ZNF892: variants seen among roughly 807,000 people sequenced by gnomAD.
The protein encoded by ZNF892 is zinc finger protein 892, also known as zinc finger protein 570-like.
the ZNF892 span, among the ~76,000 whole-genome samples, chr2:95,244,243 C>G: frequency 6.7e-6 from 1 of 149,356 alleles, no homozygotes; most frequent in East Asian, 2.0e-4. Flanking sequence ...AAACCAGAGA[C>G]CTTTGTTCAC....
At chr2:95,226,013 T>G in the ZNF892 span, among the ~76,000 whole-genome samples, 1 of 152,182 alleles carries the variant, frequency 6.6e-6, no homozygotes, top group African/African-American at 2.4e-5. Flanking sequence ...CCCAGGCTGG[T>G]GTTGCACACT....
the ZNF892 span, among the ~76,000 whole-genome samples, chr2:95,236,682 T>C: frequency 6.6e-6 from 1 of 152,196 alleles, no homozygotes; most frequent in Admixed American, 6.5e-5. Context: ...CTGTAGCTGG[T>C]TGTAAGAGCT....
chr2:95,229,421 C>T, the ZNF892 span, among the ~76,000 whole-genome samples: 1 of 152,184 alleles, frequency 6.6e-6, no homozygotes, highest in East Asian at 1.9e-4. Context: ...CCCTTCCCTT[C>T]CCAGTTAATC....
chr2:95,257,747 C>G, the ZNF892 span, among the ~76,000 whole-genome samples: 4 of 152,316 alleles, frequency 2.6e-5, no homozygotes, highest in African/African-American at 9.6e-5. Context: ...CTTTGTTTAC[C>G]TACTCAAGCC....
the ZNF892 span, among the ~76,000 whole-genome samples, chr2:95,220,698 A>G: frequency 6.6e-6 from 1 of 152,146 alleles, no homozygotes; most frequent in African/African-American, 2.4e-5. Flanking sequence ...TGGTATATAC[A>G]GGTCATTTGT....
chr2:95,242,089 A>G, the ZNF892 span, among the ~76,000 whole-genome samples: 1 of 152,248 alleles, frequency 6.6e-6, no homozygotes, highest in Non-Finnish European at 1.5e-5. Flanking sequence ...GATATCATCC[A>G]GGAGAACTTC....
chr2:95,235,054 C>T, the ZNF892 span, among the ~76,000 whole-genome samples: 4 of 152,188 alleles, frequency 2.6e-5, no homozygotes, highest in Admixed American at 1.3e-4. Context: ...GTCCGCTGCA[C>T]AACTCATTGC....
the ZNF892 span, among the ~76,000 whole-genome samples, chr2:95,245,008 C>T: frequency 6.6e-6 from 1 of 152,144 alleles, no homozygotes; most frequent in South Asian, 2.1e-4. Flanking sequence ...AAAGAGACAA[C>T]ATACCAGAAT....
chr2:95,218,998 CTTTT>C, the ZNF892 span, among the ~76,000 whole-genome samples: 3 of 151,624 alleles, frequency 2.0e-5, no homozygotes, highest in African/African-American at 7.3e-5. Flanking sequence ...TGAGCATTTT[CTTTT>C]TTTTGTTTGT....
the ZNF892 span, among the ~76,000 whole-genome samples, chr2:95,234,110 C>T: frequency 6.6e-6 from 1 of 152,124 alleles, no homozygotes; most frequent in East Asian, 1.9e-4. Context: ...CAACCTCCGC[C>T]TCCCAGGTTC....
chr2:95,260,197 G>A, the ZNF892 span, among the ~76,000 whole-genome samples: 2 of 152,344 alleles, frequency 1.3e-5, no homozygotes, highest in East Asian at 3.9e-4. Context: ...GTTGCAACAT[G>A]TGCTCACATG....
At chr2:95,241,605 A>G in the ZNF892 span, among the ~76,000 whole-genome samples, 1 of 152,174 alleles carries the variant, frequency 6.6e-6, no homozygotes, top group African/African-American at 2.4e-5. Flanking sequence ...AAATGACCAC[A>G]ACACCTCTCC....
chr2:95,253,159 C>T, the ZNF892 span, among the ~76,000 whole-genome samples: 9 of 152,144 alleles, frequency 5.9e-5, no homozygotes, highest in African/African-American at 1.9e-4. Flanking sequence ...AGTCCTTGCC[C>T]ATGCCTATGT....
At chr2:95,237,640 C>T in the ZNF892 span, among the ~76,000 whole-genome samples, 14 of 152,128 alleles carry the variant, frequency 9.2e-5, no homozygotes, top group Non-Finnish European at 1.6e-4. Context: ...TAGAAATGAT[C>T]AAGCTTAGTG....
At chr2:95,262,977 C>T in the ZNF892 span, among the ~76,000 whole-genome samples, 1 of 152,224 alleles carries the variant, frequency 6.6e-6, no homozygotes, top group Non-Finnish European at 1.5e-5. Flanking sequence ...AATCAAATGT[C>T]ATTCAAGGTA....
the ZNF892 span, among the ~76,000 whole-genome samples, chr2:95,207,374 C>T: frequency 6.6e-6 from 1 of 152,220 alleles, no homozygotes; most frequent in Admixed American, 6.5e-5. Context: ...AGGGTTCAGC[C>T]AGCTGGTCAG....
chr2:95,207,163 G>C, the ZNF892 span, among the ~76,000 whole-genome samples: 1 of 152,242 alleles, frequency 6.6e-6, no homozygotes, highest in Admixed American at 6.5e-5. Flanking sequence ...GATGCATGGA[G>C]GCGCAGCAGC....
chr2:95,239,905 C>T, the ZNF892 span, among the ~76,000 whole-genome samples: 24 of 152,258 alleles, frequency 1.6e-4, no homozygotes, highest in Non-Finnish European at 2.5e-4. Flanking sequence ...ACTGGGATTA[C>T]GGGTATGAGC....
the ZNF892 span, among the ~76,000 whole-genome samples, chr2:95,220,950 A>T: frequency 6.6e-6 from 1 of 152,326 alleles, no homozygotes; most frequent in Admixed American, 6.5e-5. Context: ...TTTTTTTACA[A>T]TTATATATTA....
Sources: allele counts gnomAD v4.1 joint callset (sites outside exome capture counted in the v4.1 genomes callset), GRCh38; gene constraint gnomAD v4.1.1; transcripts MANE v1.5; gene names NCBI Gene and HGNC (gene_info 2026-07-23, HGNC 2026-07-21).